TTC34: variants seen among roughly 807,000 people sequenced by gnomAD.
TTC34 encodes the protein tetratricopeptide repeat protein 34.
In TTC34, 44 loss-of-function variants were observed where a neutral mutation model predicts 40.7. The observed-to-expected ratio is 1.08, with a 90% CI of 0.85 to 1.39. The LOEUF (loss-of-function observed/expected upper bound fraction) is 1.39, where lower values mean the gene tolerates loss of function less well. TTC34 is among the 40% of genes most tolerant of loss of function. The probability of loss-of-function intolerance (pLI) is 0.00; values close to 1 mark genes in which losing one functional copy is unlikely to be tolerated. For synonymous variants in TTC34, 422 were observed against 398.6 expected (o/e 1.06, Z -0.70); for missense variants, 884 against 838.0 (o/e 1.05, Z -0.68).
chr1:2,789,909 C>G (rs1390911002), exon 3 of TTC34: 1 of 396,820 alleles, frequency 2.5e-6, no homozygotes, highest in African/African-American at 2.1e-5. Context: ...GCACGGTCCC[C>G]CGCAGGGTCC....
chr1:2,749,073 C>A (rs1569684826), intron 6 of TTC34, among the ~76,000 whole-genome samples: 15 of 131,512 alleles, frequency 1.1e-4, no homozygotes, highest in South Asian at 2.5e-4. Flanking sequence ...CCTGGAGCAG[C>A]ACCCACAACC....
chr1:2,790,406 C>A, intron 2 of TTC34, 60 bp from the exon 3 acceptor site: 2 of 398,210 alleles, frequency 5.0e-6, no homozygotes, highest in East Asian at 3.6e-5. Flanking sequence ...GGGGGTGCCA[C>A]CTGCAAGTCC....
chr1:2,755,931 G>A (rs1375542763), intron 6 of TTC34, among the ~76,000 whole-genome samples: 16 of 63,664 alleles, frequency 2.5e-4, no homozygotes, highest in East Asian at 1.7e-3. Flanking sequence ...ACAGCCTGGA[G>A]CAGCACCCTG....
At chr1:2,656,375 C>A (rs1557589979) in intron 6 of TTC34, among the ~76,000 whole-genome samples, 6 of 1,512 alleles carry the variant, frequency 4.0e-3, no homozygotes, top group Admixed American at 6.8e-3. Context: ...AGCACCCACA[C>A]CCACAGGTGA....
intron 6 of TTC34, among the ~76,000 whole-genome samples, chr1:2,676,925 C>A (rs1639924769): frequency 6.8e-6 from 1 of 146,298 alleles, no homozygotes; most frequent in Non-Finnish European, 1.5e-5. Context: ...GCAGCACCCA[C>A]ACCCCCAGGT....
intron 6 of TTC34, among the ~76,000 whole-genome samples, chr1:2,765,506 T>C (rs1227974122): frequency 8.9e-3 from 1 of 112 alleles, no homozygotes. Context: ...GGAACAGCAC[T>C]CCACACCCCC....
intron 6 of TTC34, among the ~76,000 whole-genome samples, chr1:2,694,139 G>A (rs1236955987): frequency 1.4e-5 from 2 of 147,416 alleles, no homozygotes; most frequent in African/African-American, 2.5e-5. Context: ...GCCTGGAACA[G>A]CACACACACC....
At chr1:2,686,541 A>C (rs1330607647) in intron 6 of TTC34, among the ~76,000 whole-genome samples, 4 of 72,274 alleles carry the variant, frequency 5.5e-5, no homozygotes, top group Non-Finnish European at 1.1e-4. Context: ...AGCATCTGAC[A>C]GCCTGGAACA....
intron 6 of TTC34, among the ~76,000 whole-genome samples, chr1:2,694,356 A>G (rs1177032902): frequency 1.3e-4 from 10 of 78,034 alleles, no homozygotes; most frequent in East Asian, 4.4e-4. Context: ...ACACTCCCAG[A>G]CGAGCATCGG....
intron 6 of TTC34, among the ~76,000 whole-genome samples, chr1:2,752,674 C>G (rs1400187893): frequency 1.4e-5 from 2 of 143,570 alleles, no homozygotes; most frequent in Non-Finnish European, 3.0e-5. Context: ...CATCTGACAA[C>G]CTGCAACAGC....
chr1:2,641,871 G>A, exon 9 of TTC34: 1 of 1,495,582 alleles, frequency 6.7e-7, no homozygotes, highest in Non-Finnish European at 8.9e-7. Flanking sequence ...GCGTCCAGGA[G>A]GGTGCCGGCT....
chr1:2,645,696 A>C lies in TTC34; in HGVS notation c.2227-133T>G. The C allele has an allele frequency of 1.1e-6, 1 of 897,066 alleles. No individual in the cohort carries two copies. The highest frequency in any genetic ancestry group is 3.3e-5 in the South Asian group (1 of 30,688). 55.6% of individuals were successfully genotyped at this position (897,066 alleles called of 1,614,324 possible). ...CCCTGGGGTCCTAGAGGGTCTGAAC[A>C]CCCAGCTTCCTGCCCCTTCCTGCTT... is the stretch of plus-strand genomic sequence containing the variant. On this transcript the variant is annotated intron_variant, in intron 6 of 8. Transcript: ENST00000401095. This position sits in a 1 kb window ranked among gnomAD's most constrained non-coding sequence, Gnocchi z 4.7.
intron 6 of TTC34, among the ~76,000 whole-genome samples, chr1:2,686,744 C>G (rs1430125847): frequency 4.1e-5 from 6 of 146,652 alleles, no homozygotes; most frequent in East Asian, 2.1e-4. Flanking sequence ...CATCTGACAG[C>G]CTGGAACGGC....
intron 6 of TTC34, among the ~76,000 whole-genome samples, chr1:2,650,148 C>T (rs1383213371): frequency 1.4e-5 from 2 of 145,080 alleles, no homozygotes; most frequent in East Asian, 4.0e-4. Context: ...AGGTGAGCTT[C>T]TGACAGCCTG....
chr1:2,784,054 C>T (rs1258106481), intron 5 of TTC34, among the ~76,000 whole-genome samples: 12 of 152,124 alleles, frequency 7.9e-5, no homozygotes, highest in South Asian at 6.2e-4. Context: ...GCAGGGGGAT[C>T]AGGGTAGCAC....
chr1:2,692,443 T>A (rs76190234), intron 6 of TTC34, among the ~76,000 whole-genome samples: 1,532 of 8,378 alleles, frequency 0.18, 4 homozygotes, highest in Middle Eastern at 0.36. Flanking sequence ...AGCATCTGAC[T>A]GCCTGGAGCA....
chr1:2,650,476 G>T (rs1639106361), intron 6 of TTC34, among the ~76,000 whole-genome samples: 1 of 149,146 alleles, frequency 6.7e-6, no homozygotes, highest in South Asian at 2.1e-4. Context: ...AGGTGAGCTT[G>T]TGACAATCTG....
chr1:2,778,323 G>C (rs983152015), intron 6 of TTC34, among the ~76,000 whole-genome samples: 5 of 152,238 alleles, frequency 3.3e-5, no homozygotes, highest in African/African-American at 9.6e-5. Flanking sequence ...CTCTTGGCTG[G>C]GAAGTGCCCT....
intron 6 of TTC34, among the ~76,000 whole-genome samples, chr1:2,673,382 G>A (rs1391803418): frequency 2.6e-3 from 102 of 38,916 alleles, no homozygotes; most frequent in African/African-American, 5.1e-3. Flanking sequence ...GAGGGCCTGG[G>A]TCGGCACCCA....
Sources: allele counts gnomAD v4.1 joint callset (sites outside exome capture counted in the v4.1 genomes callset), GRCh38; gene constraint gnomAD v4.1.1; non-coding constraint Gnocchi (gnomAD v3.1); transcripts MANE v1.5; gene names NCBI Gene and HGNC (gene_info 2026-07-23, HGNC 2026-07-21).